The following OCA2 variants were observed in gnomAD, a reference collection of about 807,000 sequenced individuals.
The protein encoded by OCA2 is P protein.
Under a neutral mutation model 100.2 loss-of-function variants are expected in OCA2, and 77 were observed. The observed-to-expected ratio is 0.77, with a 90% CI of 0.64 to 0.93. The LOEUF is 0.93. Among genes scored for constraint, OCA2 ranks in the 40% least tolerant of loss-of-function variants. The pLI is 0.00. For missense variants in OCA2, 1,062 were observed against 1,089.1 expected (o/e 0.98, Z 0.35); for synonymous variants, 432 against 439.2 (o/e 0.98, Z 0.21).
the OCA2 span, among the ~76,000 whole-genome samples, chr15:27,747,287 C>G: frequency 4.3e-4 from 66 of 152,310 alleles, no homozygotes; most frequent in African/African-American, 1.4e-3. Context: ...ATATACAGCA[C>G]AACAAATGTC....
chr15:27,986,592 C>T lies in OCA2; in HGVS notation c.1234G>A (p.Val412Ile), dbSNP rs373759416. 4.4e-6 allele frequency: 7 copies of T among 1,578,808 alleles called. No individual in the cohort carries two copies. In the African/African-American group the frequency reaches 9.4e-5, roughly 21 times the overall value. The change falls in exon 12 of 24, where the codon GTA (valine) becomes ATA (isoleucine). Residue 412 changes from valine to isoleucine, a missense_variant. Transcript: ENST00000354638. ...SETGFFDYCAVKAYRLSRGRV... is the reference protein window; with the variant it reads ...SETGFFDYCAIKAYRLSRGRV... Reference sequence around the variant, plus strand: ...AAATGCAACATCATACCTACCTTTACAGCACAATAATCGAAAAATCCCGTT... The same window carrying T: ...AAATGCAACATCATACCTACCTTTATAGCACAATAATCGAAAAATCCCGTT...
At chr15:27,915,337 A>C (rs80148813) in intron 19 of OCA2, among the ~76,000 whole-genome samples, 7,639 of 152,284 alleles carry the variant, frequency 0.05, 365 homozygotes, top group South Asian at 0.21. Context: ...AAGCAATTAC[A>C]ACTAAAACAA....
At chr15:27,816,718 T>A (rs2034316361) in intron 23 of OCA2, among the ~76,000 whole-genome samples, 1 of 152,154 alleles carries the variant, frequency 6.6e-6, no homozygotes, top group Non-Finnish European at 1.5e-5. Flanking sequence ...GAATTTTCCC[T>A]TGCCCACATC....
intron 18 of OCA2, among the ~76,000 whole-genome samples, chr15:27,940,064 G>A (rs2594936): frequency 0.49 from 75,057 of 151,988 alleles, 22,778 homozygotes; most frequent in African/African-American, 0.8. Flanking sequence ...CAGCTTTGCC[G>A]TTGGGACTGA....
chr15:27,856,266 C>T (rs543240917), intron 21 of OCA2, among the ~76,000 whole-genome samples: 240 of 152,320 alleles, frequency 1.6e-3, no homozygotes, highest in African/African-American at 5.5e-3. Context: ...TGTAAGGTTA[C>T]ATTCCAAAGT....
intron 2 of OCA2, among the ~76,000 whole-genome samples, chr15:28,070,457 C>CA (rs1282504265): frequency 3.3e-5 from 4 of 123,054 alleles, no homozygotes; most frequent in Non-Finnish European, 6.3e-5. Context: ...TCAGCCCCCC[C>CA]ACCCGGCCAG....
chr15:27,807,047 C>T (rs1377276659), intron 23 of OCA2, among the ~76,000 whole-genome samples: 1 of 151,224 alleles, frequency 6.6e-6, no homozygotes, highest in Non-Finnish European at 1.5e-5. Context: ...CCGACCGGCC[C>T]TGCCTCCCCT....
At chr15:27,946,283 CTG>C (rs1424010422) in intron 18 of OCA2, among the ~76,000 whole-genome samples, 15 of 152,338 alleles carry the variant, frequency 9.8e-5, no homozygotes, top group African/African-American at 3.6e-4. Context: ...GAGAAGGACT[CTG>C]TACTTCTCTA....
At chr15:27,916,850 T>C (rs746869885) in intron 19 of OCA2, among the ~76,000 whole-genome samples, 21 of 152,164 alleles carry the variant, frequency 1.4e-4, no homozygotes, top group African/African-American at 2.2e-4. Context: ...TCAGAGCCAC[T>C]GCAACATGAC....
chr15:27,851,419 C>G lies in OCA2; in HGVS notation c.2301G>C (p.Pro767=). 1 of 1,613,964 alleles carries G rather than the reference C, an allele frequency of 6.2e-7. No homozygotes were observed. Among genetic ancestry groups the G allele is most frequent in the Non-Finnish European group, 8.5e-7 (1 of 1,179,974 alleles). Residue 767 remains proline (P), a synonymous_variant, in exon 22 of 24, where the codon CCG becomes CCC. Coordinates refer to ENST00000354638, the MANE Select transcript of OCA2 (RefSeq NM_000275.3). ...HDPEVGLPAP[P]LMYALAFGAC... Reference sequence around the variant, plus strand: ...CACCGAAGGCCAGGGCATACATGAGCGGCGGTGCGGGCAGGCCAACCTCAG... The same window carrying G: ...CACCGAAGGCCAGGGCATACATGAGGGGCGGTGCGGGCAGGCCAACCTCAG...
intron 23 of OCA2, among the ~76,000 whole-genome samples, chr15:27,814,945 TACAG>T (rs1566985955): frequency 7.4e-4 from 80 of 107,424 alleles, no homozygotes; most frequent in African/African-American, 1.9e-3. Flanking sequence ...GATAGATAGA[TACAG>T]AGATATATAT....
intron 15 of OCA2, among the ~76,000 whole-genome samples, chr15:27,959,631 G>T (rs910355798): frequency 1.3e-5 from 2 of 152,182 alleles, no homozygotes; most frequent in Non-Finnish European, 2.9e-5. Flanking sequence ...TCTGGTGCCA[G>T]CCCCTGGGTG....
intron 9 of OCA2, 69 bp downstream of exon 9, chr15:28,014,707 T>C (rs1006973291): frequency 3.3e-6 from 5 of 1,536,978 alleles, no homozygotes; most frequent in Admixed American, 1.7e-5. Flanking sequence ...CCATCCAGAG[T>C]GTCTCACGGA....
chr15:27,985,271 G>A (rs1032228543), intron 12 of OCA2, 83 bp from the exon 13 acceptor site: 2 of 1,536,010 alleles, frequency 1.3e-6, no homozygotes, highest in Non-Finnish European at 1.8e-6. Flanking sequence ...GTGACTTTAA[G>A]AACAGGGAGC....
chr15:27,793,204 A>G lies in OCA2; in HGVS notation c.2433-37732T>C, dbSNP rs573728612. The stretch of plus-strand genomic sequence containing the variant: ...CATCTATTACAGGATGCTTTTTCCA[A>G]TTGGACCAGAAAAGTATCACGTATG... On this transcript the variant is annotated intron_variant, in intron 23 of 23. Transcript: ENST00000354638. Among the ~76,000 whole-genome samples the G allele has an allele frequency of 4.1e-4, 63 of 152,310 alleles. 2 individuals are homozygous for G. Among genetic ancestry groups the G allele is most frequent in the Middle Eastern group, 3.4e-3 (1 of 294 alleles).
chr15:27,923,765 C>T (rs2038948868), intron 19 of OCA2, among the ~76,000 whole-genome samples: 1 of 152,044 alleles, frequency 6.6e-6, no homozygotes, highest in Non-Finnish European at 1.5e-5. Context: ...CCTATTAGAC[C>T]TTTGTCAGAG....
At chr15:27,998,584 CTTTTA>C (rs2141089945) in intron 9 of OCA2, among the ~76,000 whole-genome samples, 1 of 146,520 alleles carries the variant, frequency 6.8e-6, no homozygotes, top group Non-Finnish European at 1.5e-5. Context: ...AATAGGAACA[CTTTTA>C]CACTGTTGGT....
At chr15:27,760,784 G>A (rs879690348) in intron 23 of OCA2, among the ~76,000 whole-genome samples, 1 of 152,040 alleles carries the variant, frequency 6.6e-6, no homozygotes, top group Non-Finnish European at 1.5e-5. Flanking sequence ...GGTAGTTAGA[G>A]ACCTTCCAAA....
chr15:27,783,619 C>T (rs937645052), intron 23 of OCA2, among the ~76,000 whole-genome samples: 8 of 152,172 alleles, frequency 5.3e-5, no homozygotes, highest in Non-Finnish European at 7.3e-5. Flanking sequence ...ATGAAGAGTT[C>T]GGCCAGAAGC....
Sources: allele counts gnomAD v4.1 joint callset (sites outside exome capture counted in the v4.1 genomes callset), GRCh38; gene constraint gnomAD v4.1.1; transcripts MANE v1.5; gene names NCBI Gene and HGNC (gene_info 2026-07-23, HGNC 2026-07-21).